The following STK31 variants were observed in gnomAD, a reference collection of about 807,000 sequenced individuals.
STK31 encodes serine/threonine kinase 31, also known as serine/threonine-protein kinase 31.
STK31 carries 89 observed loss-of-function variants against 129.7 expected under a neutral mutation model. That is an observed-to-expected ratio of 0.69 (90% confidence interval 0.58 to 0.82). The LOEUF is 0.82. STK31 is among the 40% of genes least tolerant of loss of function. The pLI is 0.00. For missense variants in STK31, 1,187 were observed against 1,176.4 expected, an observed-to-expected ratio of 1.01 and a Z score of -0.13; for synonymous variants, 448 against 395.3, an observed-to-expected ratio of 1.13 and a Z score of -1.58.
intron 10 of STK31, among the ~76,000 whole-genome samples, chr7:23,760,745 A>T (rs1789413463): frequency 6.6e-6 from 1 of 152,048 alleles, no homozygotes; most frequent in Admixed American, 6.6e-5. Flanking sequence ...CTGCAGCCTC[A>T]ACCTCCAGGG....
chr7:23,810,775 ATATT>A (rs1330072453), intron 22 of STK31, among the ~76,000 whole-genome samples: 4 of 107,692 alleles, frequency 3.7e-5, no homozygotes, highest in Non-Finnish European at 5.5e-5. Flanking sequence ...ATATAAATAT[ATATT>A]ATATATAAAT....
chr7:23,776,201 T>C (rs977005834), intron 15 of STK31, among the ~76,000 whole-genome samples: 1 of 152,258 alleles, frequency 6.6e-6, no homozygotes, highest in African/African-American at 2.4e-5. Flanking sequence ...GTGGATAAGC[T>C]TTTTGATGTG....
chr7:23,788,626 G>A (rs1453093878), intron 21 of STK31, among the ~76,000 whole-genome samples: 1 of 152,068 alleles, frequency 6.6e-6, no homozygotes, highest in Non-Finnish European at 1.5e-5. Flanking sequence ...TAGGCAGTTT[G>A]TAGAGATAGC....
intron 8 of STK31, among the ~76,000 whole-genome samples, chr7:23,750,464 T>C (rs576739480): frequency 6.6e-6 from 1 of 152,338 alleles, no homozygotes; most frequent in African/African-American, 2.4e-5. Flanking sequence ...TAGGATGGCA[T>C]AGTGACTTCC....
chr7:23,818,543 T>A (rs185997156), intron 23 of STK31, among the ~76,000 whole-genome samples: 11 of 152,258 alleles, frequency 7.2e-5, no homozygotes, highest in Admixed American at 5.2e-4. Flanking sequence ...CCTCACTCAT[T>A]TAACTAAAAT....
chr7:23,769,169 T>G lies in STK31; in HGVS notation c.1591T>G (p.Leu531Val). The G allele has an allele frequency of 6.4e-7, 1 of 1,561,540 alleles. No homozygotes were observed. Among genetic ancestry groups the G allele is most frequent in the Non-Finnish European group, 8.6e-7 (1 of 1,158,842 alleles). ...HRLVAWFQRT[L>V]KVFDLSVEGS... ...TCTTGTAGCATGGTTCCAAAGAACCTTAAAGGTAATAAAAGCTCCTGCCCG... is the reference window on the plus strand; with the variant it reads ...TCTTGTAGCATGGTTCCAAAGAACCGTAAAGGTAATAAAAGCTCCTGCCCG... The change falls in exon 12 of 24, where the codon TTA becomes GTA. Residue 531 changes from leucine (L) to valine (V), a missense_variant. Leu to Val is a conservative substitution (Grantham distance 32). Coordinates refer to ENST00000355870, the MANE Select transcript of STK31 (RefSeq NM_031414.5).
intron 6 of STK31, among the ~76,000 whole-genome samples, chr7:23,729,730 G>A (rs1206317954): frequency 9.2e-5 from 14 of 151,960 alleles, no homozygotes; most frequent in African/African-American, 1.4e-4. Flanking sequence ...GGCTGGTCTC[G>A]AACTCCTGAC....
chr7:23,726,420 T>A (rs1319073355), intron 4 of STK31: 2 of 111,996 alleles, frequency 1.8e-5, no homozygotes. Flanking sequence ...TGGTGAGACC[T>A]TGCCTCTACA....
chr7:23,736,189 C>G lies in STK31; in HGVS notation c.842+293C>G, dbSNP rs529581234. On this transcript the variant is annotated intron_variant, in intron 7 of 23. Coordinates refer to ENST00000355870, the MANE Select transcript of STK31 (RefSeq NM_031414.5). ...CAAAAATAAAAATCTGCTCCTAAATCTGAATTATTCAGGCAAAGTCAGAAT... is the reference window on the plus strand; with the variant it reads ...CAAAAATAAAAATCTGCTCCTAAATGTGAATTATTCAGGCAAAGTCAGAAT... 2.0e-5 allele frequency among the ~76,000 whole-genome samples: 3 copies of G among 152,284 alleles called. No individual in the cohort carries two copies. The East Asian group carries it at 5.8e-4, about 29-fold the overall frequency.
intron 7 of STK31, 143 bp downstream of exon 7, chr7:23,736,039 A>G (rs1787698884): frequency 1.5e-6 from 1 of 646,318 alleles, no homozygotes; most frequent in East Asian, 2.7e-5. Flanking sequence ...TTTTTCTCAA[A>G]TGTATTCCTC....
chr7:23,749,628 T>C (rs553459205), intron 8 of STK31, among the ~76,000 whole-genome samples: 1 of 152,092 alleles, frequency 6.6e-6, no homozygotes, highest in Non-Finnish European at 1.5e-5. Context: ...GCTGGAATTA[T>C]AGGCATTAGC....
At chr7:23,718,563 C>T (rs897941686) in intron 4 of STK31, among the ~76,000 whole-genome samples, 34 of 152,178 alleles carry the variant, frequency 2.2e-4, no homozygotes, top group African/African-American at 7.7e-4. Flanking sequence ...ACCATAGATT[C>T]GTATGTCTGT....
chr7:23,797,754 T>G (rs183571001), intron 22 of STK31, among the ~76,000 whole-genome samples: 1,618 of 151,918 alleles, frequency 0.011, 12 homozygotes, highest in Non-Finnish European at 0.016. Context: ...CAAGAAATAA[T>G]TAAGATCAGG....
chr7:23,734,477 G>A (rs950715656), intron 6 of STK31, among the ~76,000 whole-genome samples: 3 of 152,184 alleles, frequency 2.0e-5, no homozygotes, highest in African/African-American at 7.2e-5. Context: ...AGTAATTACA[G>A]TTTTATGGAG....
intron 22 of STK31, among the ~76,000 whole-genome samples, chr7:23,795,518 C>T (rs1791899507): frequency 6.6e-6 from 1 of 152,196 alleles, no homozygotes; most frequent in Non-Finnish European, 1.5e-5. Context: ...AGAGCCCCAA[C>T]TGGTGTACTG....
upstream of STK31, chr7:23,710,142 C>T: frequency 1.4e-6 from 2 of 1,437,826 alleles, no homozygotes; most frequent in South Asian, 1.3e-5. Flanking sequence ...AGGCGGCAGG[C>T]CGTGGCTGCC....
chr7:23,801,373 C>A (rs1373193744), intron 22 of STK31, among the ~76,000 whole-genome samples: 1 of 151,774 alleles, frequency 6.6e-6, no homozygotes, highest in Non-Finnish European at 1.5e-5. Flanking sequence ...TGTCTTTTGC[C>A]TGTTTTTTAA....
At chr7:23,715,401 T>A (rs1786247225) in intron 3 of STK31, among the ~76,000 whole-genome samples, 1 of 150,190 alleles carries the variant, frequency 6.7e-6, no homozygotes. Flanking sequence ...GAGGATCGCC[T>A]GAGCCCAGGA....
In STK31 at chr7:23,827,420, T is replaced by C. The variant is rs539703202; in HGVS notation, c.2830-4716T>C. Among the ~76,000 whole-genome samples, 17 of 152,266 alleles carry C rather than the reference T, an allele frequency of 1.1e-4. No individual in the cohort carries two copies. In the East Asian group the frequency reaches 2.3e-3, roughly 21 times the overall value. ...CTGAGTCTTGTGCATTCGTCATGTATTTCTCGTGCCATGGTTTTCAGCTCC... is the reference window on the plus strand; with the variant it reads ...CTGAGTCTTGTGCATTCGTCATGTACTTCTCGTGCCATGGTTTTCAGCTCC... On this transcript the variant is annotated intron_variant, in intron 23 of 23. Coordinates refer to ENST00000355870, the MANE Select transcript of STK31 (RefSeq NM_031414.5).
Sources: gnomAD v4.1 joint callset for allele counts (sites outside exome capture counted in the v4.1 genomes callset) on GRCh38, gnomAD v4.1.1 for gene constraint, MANE v1.5 for transcripts, NCBI Gene and HGNC (gene_info 2026-07-23, HGNC 2026-07-21) for gene names.